The following EMSY variants were observed in gnomAD, a reference collection of about 807,000 sequenced individuals.
The protein encoded by EMSY is BRCA2-interacting transcriptional repressor EMSY.
EMSY carries 26 observed loss-of-function variants against 134.6 expected under a neutral mutation model. The observed-to-expected ratio is 0.19, with a 90% CI of 0.14 to 0.27. The LOEUF (loss-of-function observed/expected upper bound fraction) is 0.27. Among genes scored for constraint, EMSY ranks in the 10% least tolerant of loss-of-function variants. The pLI, the probability that EMSY is intolerant of heterozygous loss-of-function variation, is 1.00. For missense variants in EMSY, 1,305 were observed against 1,611.4 expected (o/e 0.81, Z 3.26); for synonymous variants, 579 against 577.8 (o/e 1.00, Z -0.03).
chr11:76,543,098 C>T (rs1376764898), intron 18 of EMSY, among the ~76,000 whole-genome samples: 1 of 152,088 alleles, frequency 6.6e-6, no homozygotes, highest in Non-Finnish European at 1.5e-5. Context: ...GAAACTTGCT[C>T]CAGGTGGCAG....
intron 8 of EMSY, among the ~76,000 whole-genome samples, chr11:76,485,592 A>G (rs1328807375): frequency 6.6e-6 from 1 of 152,362 alleles, no homozygotes; most frequent in East Asian, 1.9e-4. Flanking sequence ...CCAATATCAT[A>G]CTGAATGGGC....
intron 12 of EMSY, among the ~76,000 whole-genome samples, chr11:76,525,322 A>G (rs914124053): frequency 1.3e-5 from 2 of 152,200 alleles, no homozygotes; most frequent in Non-Finnish European, 1.5e-5. Flanking sequence ...TGTTTCCCTT[A>G]AGTAATTACA....
intron 9 of EMSY, among the ~76,000 whole-genome samples, chr11:76,498,756 C>G (rs1949744074): frequency 6.6e-6 from 1 of 152,112 alleles, no homozygotes; most frequent in South Asian, 2.1e-4. Context: ...ACTATACTGA[C>G]TGGAGGGGAG....
intron 9 of EMSY, among the ~76,000 whole-genome samples, chr11:76,504,879 C>T (rs1040186741): frequency 6.6e-6 from 1 of 152,102 alleles, no homozygotes; most frequent in Non-Finnish European, 1.5e-5. Flanking sequence ...AAAAAGATTA[C>T]ATTAAGTTCA....
intron 11 of EMSY, among the ~76,000 whole-genome samples, chr11:76,518,703 A>ATATATATTTTT (rs57143914): frequency 2.2e-4 from 28 of 130,196 alleles, no homozygotes; most frequent in African/African-American, 7.8e-4. Flanking sequence ...ATATATATAT[A>ATATATATTTTT]TTTTTTTTTT....
chr11:76,507,036 G>A (rs946259894), intron 9 of EMSY, among the ~76,000 whole-genome samples: 2 of 152,188 alleles, frequency 1.3e-5, no homozygotes, highest in Non-Finnish European at 2.9e-5. Context: ...TATCACAACA[G>A]AGGAAGTCAC....
intron 18 of EMSY, among the ~76,000 whole-genome samples, chr11:76,542,777 A>G (rs1015956262): frequency 1.6e-5 from 2 of 125,384 alleles, no homozygotes; most frequent in Non-Finnish European, 3.4e-5. Context: ...TTGCTTTTAT[A>G]ATGAATCCTC....
chr11:76,548,810 G>T (rs996750822), intron 20 of EMSY, among the ~76,000 whole-genome samples: 4 of 152,164 alleles, frequency 2.6e-5, no homozygotes, highest in Non-Finnish European at 5.9e-5. Flanking sequence ...CCAGTAAAGG[G>T]TTATTTTGGT....
Position 76,484,733 on chromosome 11 carries a change from G to T in EMSY, c.1109-11482G>T, listed in dbSNP as rs184310247. ...AGATCCCCTGAGGTCGGGAGTTCGA[G>T]ACCAGCCTGACCAACATGGAGAAAC... is the stretch of plus-strand genomic sequence containing the variant. On this transcript the variant is annotated intron_variant, in intron 8 of 20. Transcript: ENST00000334736. 1.8e-3 allele frequency among the ~76,000 whole-genome samples: 281 copies of T among 152,218 alleles called. 1 individual carries two copies. The highest frequency in any genetic ancestry group is 6.5e-3 in the African/African-American group (272 of 41,538).
Position 76,459,895 on chromosome 11 carries a change from G to A in EMSY, c.422-41G>A, listed in dbSNP as rs756499822. On this transcript the variant is annotated intron_variant, in intron 5 of 20. Coordinates refer to ENST00000334736, the Ensembl canonical transcript of EMSY. Reference sequence around the variant, plus strand: ...TTTTTTGTATGCCTGGACAGTTTTGGTGAAAGTTAACAGCAAACTTTTTTA... The same window carrying A: ...TTTTTTGTATGCCTGGACAGTTTTGATGAAAGTTAACAGCAAACTTTTTTA... The A allele has an allele frequency of 1.9e-6, 3 of 1,604,456 alleles. No homozygotes were observed. The South Asian group carries it at 3.3e-5, about 18-fold the overall frequency.
In EMSY at chr11:76,550,112, C is replaced by A. The variant is rs1951794316; in HGVS notation, c.3935C>A (p.Pro1312His). The A allele has an allele frequency of 2.5e-6, 4 of 1,613,188 alleles. No individual in the cohort carries two copies. The Admixed American group carries it at 5.0e-5, about 20-fold the overall frequency. The change falls in exon 21 of 21, where the codon CCC (proline) becomes CAC (histidine). Residue 1312 changes from proline (P) to histidine (H), a missense_variant. Physicochemically the swap from Pro to His is moderately conservative, Grantham distance 77. Coordinates refer to ENST00000334736, the Ensembl canonical transcript of EMSY. ...AGTAGCACGGAGGATGGAACTGAAC[C>A]CAGCCCTTCTCAGAGCTCTGCTGAA...
chr11:76,450,932 T>G (rs536454373), intron 2 of EMSY, among the ~76,000 whole-genome samples: 2 of 151,752 alleles, frequency 1.3e-5, no homozygotes, highest in Non-Finnish European at 2.9e-5. Context: ...AGGCTGGAAC[T>G]ACAGGTGTGT....
rs773370981 is a variant in EMSY at position 76,459,930 on chromosome 11, C to T, written c.422-6C>T. 1.9e-6 allele frequency: 3 copies of T among 1,613,562 alleles called. No individual in the cohort carries two copies. Among genetic ancestry groups the T allele is most frequent in the African/African-American group, 2.7e-5 (2 of 74,892 alleles). On this transcript the variant is annotated splice_polypyrimidine_tract_variant and splice_region_variant and intron_variant, in intron 5 of 20. Coordinates refer to ENST00000334736, the Ensembl canonical transcript of EMSY. Reference sequence around the variant, plus strand: ...ACAGCAAACTTTTTTATCGTTCCTTCAGTAGTGGTTTGCTATTCCTACACA... The same window carrying T: ...ACAGCAAACTTTTTTATCGTTCCTTTAGTAGTGGTTTGCTATTCCTACACA...
chr11:76,453,579 A>G, intron 4 of EMSY, 191 bp downstream of exon 4: 1 of 449,466 alleles, frequency 2.2e-6, no homozygotes, highest in East Asian at 3.7e-5. Flanking sequence ...GCATTTGGTT[A>G]GGCAAGCTTT....
intron 5 of EMSY, 199 bp downstream of exon 6, chr11:76,458,557 G>A: frequency 4.1e-6 from 2 of 482,114 alleles, no homozygotes; most frequent in Non-Finnish European, 6.8e-6. Flanking sequence ...TTTGTCGAAG[G>A]TGTGAATTAT....
intron 16 of EMSY, 69 bp from the exon 18 acceptor site, chr11:76,539,530 G>A (rs1275708510): frequency 1.3e-6 from 2 of 1,487,636 alleles, no homozygotes; most frequent in East Asian, 2.3e-5. Flanking sequence ...AACCTCTGGG[G>A]GTAGACTAGA....
intron 9 of EMSY, among the ~76,000 whole-genome samples, chr11:76,502,968 T>C (rs1159752486): frequency 6.6e-6 from 1 of 152,066 alleles, no homozygotes; most frequent in African/African-American, 2.4e-5. Flanking sequence ...GATAGCCATA[T>C]GGTTAGCCAA....
intron 8 of EMSY, among the ~76,000 whole-genome samples, chr11:76,483,012 G>A (rs979441692): frequency 4.6e-5 from 7 of 152,162 alleles, no homozygotes; most frequent in African/African-American, 1.7e-4. Context: ...GAAAGGTAGG[G>A]TTACCCACAA....
At chr11:76,550,242 T>C in exon 21 of EMSY, 1 of 1,073,708 alleles carries the variant, frequency 9.3e-7, no homozygotes, top group Non-Finnish European at 1.2e-6. Context: ...ACTTTGCCCG[T>C]ACTTAGGCTG....
Sources: gnomAD v4.1 joint callset for allele counts (sites outside exome capture counted in the v4.1 genomes callset) on GRCh38, gnomAD v4.1.1 for gene constraint, MANE v1.5 for transcripts, NCBI Gene and HGNC (gene_info 2026-07-23, HGNC 2026-07-21) for gene names.